Variants in RIMS2 observed in about 807,000 individuals in gnomAD.
RIMS2 encodes regulating synaptic membrane exocytosis 2.
A neutral mutation model predicts 174.4 loss-of-function variants in RIMS2; 59 were observed. That is an observed-to-expected ratio of 0.34 (90% confidence interval 0.27 to 0.42). RIMS2 has a LOEUF of 0.42. Among genes scored for constraint, RIMS2 ranks in the 10% least tolerant of loss-of-function variants. The pLI is 1.00. For synonymous variants in RIMS2, 606 were observed against 572.5 expected (o/e 1.06, Z -0.84); for missense variants, 1,620 against 1,666.3 (o/e 0.97, Z 0.48).
intron 1 of RIMS2, among the ~76,000 whole-genome samples, chr8:103,531,935 ATTAG>A (rs1837380875): frequency 1.3e-5 from 2 of 152,278 alleles, no homozygotes; most frequent in East Asian, 1.9e-4. Flanking sequence ...AAGAAAAATA[ATTAG>A]TTAGAAATGA....
At chr8:103,579,168 A>G (rs938412707) in intron 1 of RIMS2, among the ~76,000 whole-genome samples, 2 of 151,930 alleles carry the variant, frequency 1.3e-5, no homozygotes, top group Non-Finnish European at 1.5e-5. Flanking sequence ...CTTGAGAGAA[A>G]GAAGTGGGAG....
chr8:104,155,848 C>T (rs1817234831), intron 19 of RIMS2, among the ~76,000 whole-genome samples: 1 of 152,080 alleles, frequency 6.6e-6, no homozygotes, highest in Admixed American at 6.5e-5. Context: ...TTCATCAGCC[C>T]CCAATAAAGA....
chr8:104,068,132 A>C (rs1037722598), intron 19 of RIMS2, among the ~76,000 whole-genome samples: 2 of 152,196 alleles, frequency 1.3e-5, no homozygotes, highest in African/African-American at 4.8e-5. Context: ...TAACTTTAAT[A>C]CCTATAAATA....
intron 11 of RIMS2, among the ~76,000 whole-genome samples, chr8:103,928,398 G>A (rs1397748099): frequency 1.3e-5 from 2 of 151,410 alleles, no homozygotes; most frequent in East Asian, 3.8e-4. Flanking sequence ...TTTTTGGAAA[G>A]TATTTTGCTT....
chr8:103,739,135 TC>T (rs2097726147), intron 2 of RIMS2, among the ~76,000 whole-genome samples: 1 of 152,250 alleles, frequency 6.6e-6, no homozygotes, highest in East Asian at 1.9e-4. Context: ...AACCCAAATG[TC>T]CATCAATGAT....
At chr8:103,983,725 C>G (rs1346592712) in intron 16 of RIMS2, among the ~76,000 whole-genome samples, 1 of 152,200 alleles carries the variant, frequency 6.6e-6, no homozygotes, top group Non-Finnish European at 1.5e-5. Context: ...ACCCCTATCT[C>G]TTGCCATATA....
intron 1 of RIMS2, among the ~76,000 whole-genome samples, chr8:103,565,703 A>C (rs1486726763): frequency 2.0e-5 from 3 of 152,176 alleles, no homozygotes; most frequent in Admixed American, 2.0e-4. Flanking sequence ...GAATAGGTCT[A>C]CTATACTGTT....
intron 19 of RIMS2, among the ~76,000 whole-genome samples, chr8:104,169,382 G>A (rs1319087204): frequency 1.4e-5 from 2 of 145,100 alleles, no homozygotes; most frequent in Admixed American, 1.4e-4. Flanking sequence ...TCTGTTTAGA[G>A]TTTCTGTCTC....
intron 17 of RIMS2, chr8:103,998,077 C>A: frequency 1.3e-6 from 1 of 771,750 alleles, no homozygotes; most frequent in South Asian, 1.8e-5. Context: ...ATGTGCTTTG[C>A]TTACTGTCTG....
At chr8:103,552,078 T>C (rs1050657125) in intron 1 of RIMS2, among the ~76,000 whole-genome samples, 9 of 152,216 alleles carry the variant, frequency 5.9e-5, no homozygotes, top group South Asian at 2.1e-4. Context: ...CAATGACTTT[T>C]TTCACAGAAT....
At chr8:104,200,780 G>A (rs1302573953) in intron 19 of RIMS2, among the ~76,000 whole-genome samples, 1 of 152,068 alleles carries the variant, frequency 6.6e-6, no homozygotes, top group African/African-American at 2.4e-5. Context: ...CAATGCTCAT[G>A]GCACACACCT....
chr8:104,200,678 G>A (rs571955521), intron 19 of RIMS2, among the ~76,000 whole-genome samples: 6 of 152,312 alleles, frequency 3.9e-5, no homozygotes, highest in African/African-American at 7.2e-5. Context: ...AGTCCAAGGC[G>A]GGTGGATCAC....
At chr8:103,910,293 T>C (rs74495407) in intron 5 of RIMS2, 28 bp from the exon 8 acceptor site, 2 of 1,185,448 alleles carry the variant, frequency 1.7e-6, no homozygotes, top group Non-Finnish European at 2.3e-6. Context: ...TTTTGTATCT[T>C]TTTTTTTTTT....
At chr8:103,978,235 T>C (rs1396928702) in intron 16 of RIMS2, among the ~76,000 whole-genome samples, 2 of 150,814 alleles carry the variant, frequency 1.3e-5, no homozygotes, top group African/African-American at 4.8e-5. Flanking sequence ...CAATAGAAGA[T>C]AGGAATACAT....
chr8:104,166,807 T>C (rs894735613), intron 19 of RIMS2, among the ~76,000 whole-genome samples: 6 of 151,980 alleles, frequency 3.9e-5, no homozygotes, highest in Non-Finnish European at 8.8e-5. Flanking sequence ...ATCCCCAAAG[T>C]CCATTATATC....
chr8:103,780,459 C>T (rs1369869208), intron 3 of RIMS2, among the ~76,000 whole-genome samples: 2 of 152,002 alleles, frequency 1.3e-5, no homozygotes, highest in South Asian at 2.1e-4. Flanking sequence ...CTCCTCTGAT[C>T]GTATTTTCAA....
intron 1 of RIMS2, among the ~76,000 whole-genome samples, chr8:103,534,169 T>G (rs1200202950): frequency 6.6e-6 from 1 of 152,188 alleles, no homozygotes; most frequent in African/African-American, 2.4e-5. Flanking sequence ...ACATATGGAA[T>G]TTATAAGTTC....
At chr8:104,112,313 A>C (rs1243652047) in intron 19 of RIMS2, among the ~76,000 whole-genome samples, 1 of 152,150 alleles carries the variant, frequency 6.6e-6, no homozygotes. Flanking sequence ...AACAAATAAT[A>C]ATGTTGATAT....
At chr8:104,033,423 C>T (rs547654443) in intron 19 of RIMS2, among the ~76,000 whole-genome samples, 1 of 151,918 alleles carries the variant, frequency 6.6e-6, no homozygotes, top group Non-Finnish European at 1.5e-5. Flanking sequence ...TCATCATGTC[C>T]AATACATGAA....
Sources: allele counts gnomAD v4.1 joint callset (sites outside exome capture counted in the v4.1 genomes callset), GRCh38; gene constraint gnomAD v4.1.1; transcripts MANE v1.5; gene names NCBI Gene and HGNC (gene_info 2026-07-23, HGNC 2026-07-21).